The following FBXO46 variants were observed in gnomAD, a reference collection of about 807,000 sequenced individuals.
FBXO46 encodes F-box only protein 46.
Under a neutral mutation model 30.7 loss-of-function variants are expected in FBXO46, and 13 were observed. That is an observed-to-expected ratio of 0.42 (90% CI 0.28 to 0.67). The LOEUF (loss-of-function observed/expected upper bound fraction) is 0.67. Ranked by LOEUF, FBXO46 falls within the 30% of genes least tolerant of loss-of-function variation. The pLI is 0.21. For missense variants in FBXO46, 754 were observed against 871.5 expected (o/e 0.87, Z 1.70); for synonymous variants, 467 against 385.8 (o/e 1.21, Z -2.47).
intron 1 of FBXO46, among the ~76,000 whole-genome samples, chr19:45,727,962 A>G (rs893240049): frequency 2.0e-5 from 3 of 152,082 alleles, no homozygotes; most frequent in African/African-American, 7.2e-5. Context: ...TTTTTGAGAC[A>G]GTCTCACTCT....
chr19:45,728,545 C>T (rs1186851831), intron 1 of FBXO46, among the ~76,000 whole-genome samples: 1 of 152,168 alleles, frequency 6.6e-6, no homozygotes, highest in African/African-American at 2.4e-5. Context: ...AAGAAGAACC[C>T]TTGCCCAGGG....
In FBXO46 at chr19:45,713,077, G is replaced by A; in HGVS notation, c.419C>T (p.Pro140Leu). ...CCCTGGGTCAGGAGGAGCCTTGGTG[G>A]GGTCAAGACAGCGCCTCCGCCGCTT... ...KAKRRRRCLD[P>L]TKAPPDPGGR... The change falls in exon 2 of 2, where the codon CCC becomes CTC. Residue 140 changes from proline (P) to leucine (L), a missense_variant. Pro to Leu is a moderately conservative substitution (Grantham distance 98). Around this residue, in one of 5 missense-constraint regions of FBXO46, gnomAD observed 454 missense variants for 426.5 expected, o/e 1.06. Transcript: ENST00000317683. This position sits in a 1 kb window ranked among gnomAD's most constrained non-coding sequence, Gnocchi z 4.7. 1 of 1,585,212 alleles carries A rather than the reference G, an allele frequency of 6.3e-7. No individual in the cohort carries two copies. The highest frequency in any genetic ancestry group is 8.6e-7 in the Non-Finnish European group (1 of 1,167,050).
intron 1 of FBXO46, among the ~76,000 whole-genome samples, chr19:45,721,373 A>G (rs571909950): frequency 4.5e-4 from 69 of 152,108 alleles, no homozygotes; most frequent in Middle Eastern, 6.8e-3. Flanking sequence ...GAAAGAATGG[A>G]AAAATAATGA....
At chr19:45,719,875 T>C (rs1968147028) in intron 1 of FBXO46, among the ~76,000 whole-genome samples, 1 of 152,206 alleles carries the variant, frequency 6.6e-6, no homozygotes, top group Non-Finnish European at 1.5e-5. Context: ...TCTACAAATA[T>C]GAACTTGTTT....
Position 45,713,537 on chromosome 19 carries a change from C to A in FBXO46, c.-42G>T. On this transcript the variant is annotated 5_prime_UTR_variant, in exon 2 of 2. It introduces an in-frame stop codon into an upstream open reading frame of the 5' UTR. Coordinates refer to ENST00000317683, the MANE Select transcript of FBXO46 (RefSeq NM_001080469.2). This position sits in a 1 kb window ranked among gnomAD's most constrained non-coding sequence, Gnocchi z 4.7. ...AGACAGGCTGGGCTTCAGCGCATCT[C>A]AGGACCTAGGTGGTGGTGGGAGGCT... is the stretch of plus-strand genomic sequence containing the variant. The A allele has an allele frequency of 6.7e-7, 1 of 1,490,714 alleles. No homozygotes were observed. Among genetic ancestry groups the A allele is most frequent in the Admixed American group, 2.2e-5 (1 of 45,296 alleles). The allele number at this position is 1,490,714 out of a possible 1,614,324, so 92.3% of individuals were successfully genotyped here. A position where few individuals can be genotyped will look rare whatever the true frequency, so the allele number is the denominator to read the frequency against.
intron 1 of FBXO46, among the ~76,000 whole-genome samples, chr19:45,722,578 C>G (rs1481804454): frequency 6.6e-6 from 1 of 152,158 alleles, no homozygotes; most frequent in South Asian, 2.1e-4. Flanking sequence ...CTGGCTAACA[C>G]GGTGAAACCC....
Position 45,713,377 on chromosome 19 carries a change from G to C in FBXO46, c.119C>G (p.Pro40Arg). Residue 40 changes from proline (P) to arginine (R), a missense_variant, in exon 2 of 2, where the codon CCT becomes CGT. Pro to Arg is a moderately radical substitution (Grantham distance 103, BLOSUM62 -2). Coordinates refer to ENST00000317683, the MANE Select transcript of FBXO46 (RefSeq NM_001080469.2). The surrounding 1 kb of genome is among the most constrained non-coding windows in gnomAD (Gnocchi z 4.7). Reference protein sequence around the residue: ...AALKPSACPEPGGGAEPDHGP... With the variant: ...AALKPSACPERGGGAEPDHGP... ...ATGGTCTGGCTCGGCCCCGCCACCA[G>C]GCTCAGGGCAGGCTGATGGCTTGAG... The C allele has an allele frequency of 1.2e-6, 2 of 1,612,222 alleles. No individual in the cohort carries two copies. The highest frequency in any genetic ancestry group is 1.7e-6 in the Non-Finnish European group (2 of 1,178,920).
intron 1 of FBXO46, among the ~76,000 whole-genome samples, chr19:45,719,702 T>C (rs1968145039): frequency 6.6e-6 from 1 of 152,210 alleles, no homozygotes; most frequent in African/African-American, 2.4e-5. Flanking sequence ...ACATTCACTG[T>C]GGTCCTGCAT....
In FBXO46 at chr19:45,711,773, C is replaced by T. The variant is rs1457143406; in HGVS notation, c.1723G>A (p.Gly575Ser). The T allele has an allele frequency of 6.3e-7, 1 of 1,598,900 alleles. No homozygotes were observed. Among genetic ancestry groups the T allele is most frequent in the Non-Finnish European group, 8.5e-7 (1 of 1,175,278 alleles). ...TTATCGTGGAGGCCCAGGCGGCAGC[C>T]GGGAGTCTCGCGGTCGGCTCGACGG... ...CCRRADRETP[G>S]CRLGLHDNNW... The change falls in exon 2 of 2, where the codon GGC (glycine) becomes AGC (serine). Residue 575 changes from glycine (G) to serine (S), a missense_variant. Gly to Ser is a moderately conservative substitution (Grantham distance 56). Coordinates refer to ENST00000317683, the MANE Select transcript of FBXO46 (RefSeq NM_001080469.2).
At chr19:45,729,417 T>C (rs1464549109) in intron 1 of FBXO46, among the ~76,000 whole-genome samples, 1 of 152,242 alleles carries the variant, frequency 6.6e-6, no homozygotes. Flanking sequence ...AGAGGGAGAC[T>C]GTCTCTAAAT....
At chr19:45,722,162 C>G (rs914809432) in intron 1 of FBXO46, among the ~76,000 whole-genome samples, 2 of 152,134 alleles carry the variant, frequency 1.3e-5, no homozygotes, top group Non-Finnish European at 2.9e-5. Context: ...TGTCCAGAAT[C>G]CTGACTCATC....
rs531393837 is a variant in FBXO46 at position 45,718,958 on chromosome 19, A to C, written c.-78-5385T>G. Among the ~76,000 whole-genome samples the C allele has an allele frequency of 4.6e-5, 7 of 152,044 alleles. No homozygotes were observed. In the East Asian group the frequency reaches 1.2e-3, roughly 25 times the overall value. Reference sequence around the variant, plus strand: ...ATTACCCCTTAAAAAAAAAAAAAAAAAAACTTGGCCAGGCACGGTGGCTCA... The same window carrying C: ...ATTACCCCTTAAAAAAAAAAAAAAACAAACTTGGCCAGGCACGGTGGCTCA... On this transcript the variant is annotated intron_variant, in intron 1 of 1. Transcript: ENST00000317683.
At chr19:45,722,426 T>C (rs1968184971) in intron 1 of FBXO46, among the ~76,000 whole-genome samples, 1 of 152,038 alleles carries the variant, frequency 6.6e-6, no homozygotes, top group Non-Finnish European at 1.5e-5. Flanking sequence ...CATCCACCCA[T>C]GGGCTGGCTG....
rs34349746 is a variant in FBXO46 at position 45,713,968 on chromosome 19, C to CAAAAAA, written c.-78-401_-78-396dup. Among the ~76,000 whole-genome samples the CAAAAAA allele has an allele frequency of 2.2e-4, 16 of 73,126 alleles. No homozygotes were observed. The highest frequency in any genetic ancestry group is 4.0e-4 in the Non-Finnish European group (15 of 37,282). 48.0% of individuals were successfully genotyped at this position (73,126 alleles called of 152,430 possible). A position where few individuals can be genotyped will look rare whatever the true frequency, so the allele number is the denominator to read the frequency against. Reference sequence around the variant, plus strand: ...GGGCGACAAGAGCGAAACTCCGTCTCAAAAAAAAAAAAAAAAAAAAAAAGA... The same window carrying CAAAAAA: ...GGGCGACAAGAGCGAAACTCCGTCTCAAAAAAAAAAAAAAAAAAAAAAAAAAAAAGA... On this transcript the variant is annotated intron_variant, in intron 1 of 1. Coordinates refer to ENST00000317683, the MANE Select transcript of FBXO46 (RefSeq NM_001080469.2). This position sits in a 1 kb window ranked among gnomAD's most constrained non-coding sequence, Gnocchi z 4.7.
chr19:45,713,968 CAAAAAAAAAA>C lies in FBXO46; in HGVS notation c.-78-405_-78-396del, dbSNP rs34349746. On this transcript the variant is annotated intron_variant, in intron 1 of 1. Transcript: ENST00000317683. The surrounding 1 kb of genome is among the most constrained non-coding windows in gnomAD (Gnocchi z 4.7). ...GGGCGACAAGAGCGAAACTCCGTCT[CAAAAAAAAAA>C]AAAAAAAAAAAAAGAACTCTATTCC... Among the ~76,000 whole-genome samples the C allele has an allele frequency of 1.4e-5, 1 of 73,138 alleles. No homozygotes were observed. The highest frequency in any genetic ancestry group is 4.8e-5 in the African/African-American group (1 of 21,052). 48.0% of individuals were successfully genotyped at this position (73,138 alleles called of 152,430 possible).
chr19:45,711,666 CCCTCCCCTCCCCCGGCTTCA>C lies in FBXO46; in HGVS notation c.1810_*17del. ...GGAGGGGTGGGCGTGGTGGGCTCTC[CCCTCCCCTCCCCCGGCTTCA>C]CCTCCCCTCCTCCCGGCCGGCCCGG... On this transcript the variant is annotated stop_lost and 3_prime_UTR_variant, in exon 2 of 2. Coordinates refer to ENST00000317683, the MANE Select transcript of FBXO46 (RefSeq NM_001080469.2). The C allele has an allele frequency of 1.3e-6, 2 of 1,515,456 alleles. No homozygotes were observed. The highest frequency in any genetic ancestry group is 1.2e-5 in the South Asian group (1 of 83,528). The allele number at this position is 1,515,456 out of a possible 1,614,324, so 93.9% of individuals were successfully genotyped here. A position where few individuals can be genotyped will look rare whatever the true frequency, so the allele number is the denominator to read the frequency against.
intron 1 of FBXO46, chr19:45,714,658 G>A (rs1398098536): frequency 6.6e-6 from 1 of 152,154 alleles, no homozygotes; most frequent in East Asian, 1.9e-4. Context: ...TTAGCACTTT[G>A]GGAGGCCGAG....
chr19:45,711,732 G>A lies in FBXO46; in HGVS notation c.1764C>T (p.Pro588=), dbSNP rs931035635. Residue 588 remains proline (P), a synonymous_variant, in exon 2 of 2, where the codon CCC becomes CCT. Coordinates refer to ENST00000317683, the MANE Select transcript of FBXO46 (RefSeq NM_001080469.2). ...CCCGGCCCCCGCCTGGCCCATTGCA[G>A]GGCAGCACCCAGTTGTTATCGTGGA... ...LGLHDNNWVL[P]CNGPGGGRAG... 17 of 1,533,978 alleles carry A rather than the reference G, an allele frequency of 1.1e-5. No individual in the cohort carries two copies. In the African/African-American group the frequency reaches 2.1e-4, roughly 19 times the overall value.
At chr19:45,730,155 G>C (rs1968290377) in intron 1 of FBXO46, among the ~76,000 whole-genome samples, 1 of 151,996 alleles carries the variant, frequency 6.6e-6, no homozygotes, top group African/African-American at 2.4e-5. Flanking sequence ...CTTCTCATAG[G>C]GATAAACCAT....
Sources: gnomAD v4.1 joint callset for allele counts (sites outside exome capture counted in the v4.1 genomes callset) on GRCh38, gnomAD v4.1.1 for gene constraint, gnomAD v4.1.1 regional missense constraint, Gnocchi (gnomAD v3.1) non-coding constraint, MANE v1.5 for transcripts, NCBI Gene and HGNC (gene_info 2026-07-23, HGNC 2026-07-21) for gene names.